Variants in CRTAC1 observed in about 807,000 individuals in gnomAD.
CRTAC1 encodes cartilage acidic protein 1.
A neutral mutation model predicts 67.8 loss-of-function variants in CRTAC1; 37 were observed. The observed-to-expected ratio is 0.55, with a 90% CI of 0.42 to 0.72. The LOEUF is 0.72. Among genes scored for constraint, CRTAC1 ranks in the 30% least tolerant of loss-of-function variants. The pLI, the probability that CRTAC1 is intolerant of heterozygous loss-of-function variation, is 0.00. For synonymous variants in CRTAC1, 348 were observed against 371.0 expected, an observed-to-expected ratio of 0.94 and a Z score of 0.71; for missense variants, 780 against 931.6, an observed-to-expected ratio of 0.84 and a Z score of 2.12.
At chr10:97,993,919 T>C (rs1842508385) in intron 2 of CRTAC1, among the ~76,000 whole-genome samples, 1 of 152,088 alleles carries the variant, frequency 6.6e-6, no homozygotes, top group African/African-American at 2.4e-5. Context: ...TGCAATGGTG[T>C]CATCTTGGCT....
At chr10:97,918,935 C>T (rs561052269) in intron 4 of CRTAC1, among the ~76,000 whole-genome samples, 1 of 151,962 alleles carries the variant, frequency 6.6e-6, no homozygotes, top group Non-Finnish European at 1.5e-5. Context: ...AGGCACGCAC[C>T]ACCACTCCTG....
Position 97,896,998 on chromosome 10 carries a change from G to T in CRTAC1, c.1134-7C>A. On this transcript the variant is annotated splice_polypyrimidine_tract_variant and splice_region_variant and intron_variant, in intron 8 of 14. Coordinates refer to ENST00000370597, the MANE Select transcript of CRTAC1 (RefSeq NM_018058.7). The stretch of plus-strand genomic sequence containing the variant: ...GTGCTCTCTACGGATGACGCTGCAG[G>T]AGAGGAGACAGGCTTGCTCTGGTGG... 1 of 1,553,098 alleles carries T rather than the reference G, an allele frequency of 6.4e-7. No individual in the cohort carries two copies. Among genetic ancestry groups the T allele is most frequent in the Non-Finnish European group, 8.7e-7 (1 of 1,147,130 alleles).
chr10:98,003,310 C>G (rs1461299687), intron 2 of CRTAC1, among the ~76,000 whole-genome samples: 1 of 152,150 alleles, frequency 6.6e-6, no homozygotes, highest in Admixed American at 6.5e-5. Flanking sequence ...TAATGGCTTA[C>G]AACAATACAC....
rs559838727 is a variant in CRTAC1 at position 98,029,886 on chromosome 10, G to A, written c.24+563C>T. Among the ~76,000 whole-genome samples the A allele has an allele frequency of 4.6e-5, 7 of 152,314 alleles. No homozygotes were observed. In the South Asian group the frequency reaches 6.2e-4, roughly 14 times the overall value. On this transcript the variant is annotated intron_variant, in intron 1 of 14. Coordinates refer to ENST00000370597, the MANE Select transcript of CRTAC1 (RefSeq NM_018058.7). The surrounding 1 kb of genome is among the most constrained non-coding windows in gnomAD (Gnocchi z 4.7). ...CCAGCATAAGGCGGCTAGCAGCTAC[G>A]CCGCGCGCGGGGCTGGCTCCCGGAG...
chr10:97,878,367 G>C (rs995875576), intron 14 of CRTAC1: 4 of 201,822 alleles, frequency 2.0e-5, no homozygotes, highest in Non-Finnish European at 1.0e-5. Context: ...TCTGTTCTAA[G>C]TGTAAAAACA....
At chr10:97,888,179 G>A (rs1371668832) in intron 11 of CRTAC1, among the ~76,000 whole-genome samples, 2 of 152,220 alleles carry the variant, frequency 1.3e-5, no homozygotes, top group Admixed American at 6.5e-5. Context: ...AACAGAGAAT[G>A]AGACAGACCC....
chr10:97,962,245 T>C (rs2051538231), intron 2 of CRTAC1, among the ~76,000 whole-genome samples: 1 of 152,172 alleles, frequency 6.6e-6, no homozygotes, highest in African/African-American at 2.4e-5. Context: ...TGAAGCAGCC[T>C]TGCTGAATAA....
At chr10:97,945,595 G>C (rs1477197889) in intron 2 of CRTAC1, among the ~76,000 whole-genome samples, 1 of 152,146 alleles carries the variant, frequency 6.6e-6, no homozygotes, top group African/African-American at 2.4e-5. Flanking sequence ...AGAGACTTTG[G>C]TAATGGGAAG....
At chr10:97,976,896 G>A (rs1340906462) in intron 2 of CRTAC1, among the ~76,000 whole-genome samples, 5 of 152,174 alleles carry the variant, frequency 3.3e-5, no homozygotes, top group African/African-American at 1.2e-4. Context: ...AGCTCAATAA[G>A]TGTTTGTTGA....
At chr10:97,889,580 C>T (rs952483041) in intron 11 of CRTAC1, among the ~76,000 whole-genome samples, 4 of 151,960 alleles carry the variant, frequency 2.6e-5, no homozygotes, top group African/African-American at 7.3e-5. Flanking sequence ...TACCCATGGA[C>T]GGAGGTGGGG....
intron 5 of CRTAC1, among the ~76,000 whole-genome samples, chr10:97,909,514 C>T (rs1590201259): frequency 1.3e-5 from 2 of 152,108 alleles, no homozygotes; most frequent in South Asian, 4.1e-4. Context: ...AGGTAAGATG[C>T]ACCTGTCAGA....
chr10:97,906,613 T>A (rs2050616222), intron 6 of CRTAC1, among the ~76,000 whole-genome samples: 2 of 152,188 alleles, frequency 1.3e-5, no homozygotes, highest in South Asian at 4.1e-4. Context: ...CTTTGCTTTA[T>A]GATTTTTCAG....
intron 4 of CRTAC1, among the ~76,000 whole-genome samples, chr10:97,920,662 G>T (rs2050823374): frequency 6.6e-6 from 1 of 152,206 alleles, no homozygotes; most frequent in African/African-American, 2.4e-5. Context: ...CCATTAGCCC[G>T]GGTCCTAGTC....
chr10:97,904,942 G>T, intron 6 of CRTAC1, 128 bp from the exon 7 acceptor site: 2 of 1,115,234 alleles, frequency 1.8e-6, no homozygotes, highest in East Asian at 2.9e-5. Flanking sequence ...GAGGAGATAC[G>T]GGAGACATAG....
intron 14 of CRTAC1, chr10:97,879,520 G>A (rs998496851): frequency 1.5e-5 from 12 of 798,486 alleles, no homozygotes; most frequent in Admixed American, 1.3e-4. Context: ...TGTCAGTATC[G>A]CCCAACCTTC....
At chr10:97,905,847 A>C (rs1487403025) in intron 6 of CRTAC1, among the ~76,000 whole-genome samples, 1 of 152,204 alleles carries the variant, frequency 6.6e-6, no homozygotes, top group Non-Finnish European at 1.5e-5. Flanking sequence ...CCACCTGCTT[A>C]TACTATCCAC....
At chr10:98,005,475 CA>C (rs2136688944) in intron 2 of CRTAC1, among the ~76,000 whole-genome samples, 1 of 151,626 alleles carries the variant, frequency 6.6e-6, no homozygotes, top group African/African-American at 2.4e-5. Context: ...AAGATAATAT[CA>C]AAACTGATTA....
At chr10:97,965,918 C>A (rs1036415149) in intron 2 of CRTAC1, among the ~76,000 whole-genome samples, 2 of 152,146 alleles carry the variant, frequency 1.3e-5, no homozygotes, top group Admixed American at 6.5e-5. Context: ...GGTGGAGATA[C>A]CTGACTTGGA....
At chr10:97,995,801 G>A (rs1264131523) in intron 2 of CRTAC1, among the ~76,000 whole-genome samples, 5 of 152,168 alleles carry the variant, frequency 3.3e-5, no homozygotes, top group African/African-American at 7.2e-5. Flanking sequence ...CTTGGAGAGA[G>A]CTAGGGTATT....
Sources: gnomAD v4.1 joint callset for allele counts (sites outside exome capture counted in the v4.1 genomes callset) on GRCh38, gnomAD v4.1.1 for gene constraint, Gnocchi (gnomAD v3.1) non-coding constraint, MANE v1.5 for transcripts, NCBI Gene and HGNC (gene_info 2026-07-23, HGNC 2026-07-21) for gene names.